The following OSBPL1A variants were observed in gnomAD, a reference collection of about 807,000 sequenced individuals.
The protein encoded by OSBPL1A is oxysterol binding protein like 1A.
In OSBPL1A, 80 loss-of-function variants were observed where a neutral mutation model predicts 137.1. The ratio of observed to expected loss-of-function variants is 0.58; its 90% CI spans 0.49 to 0.70. OSBPL1A has a LOEUF of 0.70. Among genes scored for constraint, OSBPL1A ranks in the 30% least tolerant of loss-of-function variants. The probability of loss-of-function intolerance (pLI) is 0.00; values close to 1 mark genes in which losing one functional copy is unlikely to be tolerated. For missense variants in OSBPL1A, 970 were observed against 1,129.4 expected (o/e 0.86, Z 2.02); for synonymous variants, 365 against 389.7 (o/e 0.94, Z 0.75).
chr18:24,271,639 AC>A lies in OSBPL1A; in HGVS notation c.1281+9202del, dbSNP rs1446244299. On this transcript the variant is annotated intron_variant, in intron 15 of 27. Coordinates refer to ENST00000319481, the MANE Select transcript of OSBPL1A (RefSeq NM_080597.4). The surrounding 1 kb of genome is among the most constrained non-coding windows in gnomAD (Gnocchi z 4.0). ...CCACCTACCTGGGCCAGATCCGAGG[AC>A]CCCGGCTGGCGCGCTCCACCCTGCG... 18 of 985,044 alleles carry A rather than the reference AC, an allele frequency of 1.8e-5. No homozygotes were observed. Among genetic ancestry groups the A allele is most frequent in the Non-Finnish European group, 2.2e-5 (18 of 830,046 alleles). The allele number at this position is 985,044 out of a possible 1,614,324, so 61.0% of individuals were successfully genotyped here. A position where few individuals can be genotyped will look rare whatever the true frequency, so the allele number is the denominator to read the frequency against.
intron 4 of OSBPL1A, among the ~76,000 whole-genome samples, chr18:24,363,099 T>G (rs1290325302): frequency 6.6e-6 from 1 of 152,246 alleles, no homozygotes; most frequent in Non-Finnish European, 1.5e-5. Flanking sequence ...AACACCTACA[T>G]GCTTGCTAGC....
chr18:24,198,932 A>C (rs1385245956), intron 17 of OSBPL1A, among the ~76,000 whole-genome samples: 1 of 150,170 alleles, frequency 6.7e-6, no homozygotes, highest in Non-Finnish European at 1.5e-5. Context: ...ATCTCGACTC[A>C]CTGCAACCTC....
chr18:24,279,021 G>A (rs2089901246), intron 15 of OSBPL1A, among the ~76,000 whole-genome samples: 2 of 151,942 alleles, frequency 1.3e-5, no homozygotes, highest in Admixed American at 1.3e-4. Flanking sequence ...AAAGACTTTT[G>A]GTAAGTTTGT....
At chr18:24,368,403 G>C in intron 2 of OSBPL1A, 31 bp from the exon 3 acceptor site, 1 of 1,521,876 alleles carries the variant, frequency 6.6e-7, no homozygotes, top group Non-Finnish European at 9.1e-7. Flanking sequence ...GGTATTTTTA[G>C]GTCATATTTA....
intron 1 of OSBPL1A, among the ~76,000 whole-genome samples, chr18:24,383,760 GAATA>G (rs1205498677): frequency 7.9e-5 from 12 of 152,206 alleles, no homozygotes; most frequent in African/African-American, 1.7e-4. Context: ...CTCAAAAAAT[GAATA>G]AATAAAGAAA....
chr18:24,354,748 C>CAAAAAAAAAAAAAAAA (rs59694707), intron 4 of OSBPL1A, among the ~76,000 whole-genome samples: 120 of 77,064 alleles, frequency 1.6e-3, no homozygotes, highest in Non-Finnish European at 2.2e-3. Context: ...CTCAATATAG[C>CAAAAAAAAAAAAAAAA]AAAAAAAAAA....
chr18:24,231,674 T>C (rs1157908756), intron 16 of OSBPL1A, among the ~76,000 whole-genome samples: 2 of 152,244 alleles, frequency 1.3e-5, no homozygotes, highest in Non-Finnish European at 2.9e-5. Context: ...CTCATCAAAA[T>C]AGCATGGAAG....
chr18:24,253,708 G>C (rs185221074), intron 15 of OSBPL1A, among the ~76,000 whole-genome samples: 131 of 152,274 alleles, frequency 8.6e-4, no homozygotes, highest in Middle Eastern at 3.4e-3. Flanking sequence ...GTCTTTTCCT[G>C]GGTGGGATGG....
At chr18:24,179,678 G>T in intron 20 of OSBPL1A, 60 bp downstream of exon 20, 2 of 1,351,452 alleles carry the variant, frequency 1.5e-6, no homozygotes, top group Non-Finnish European at 2.1e-6. Flanking sequence ...TGACCAATAT[G>T]TATGTATTTC....
rs1196083498 is a variant in OSBPL1A at position 24,225,037 on chromosome 18, C to T, written c.1601+5G>A. The stretch of plus-strand genomic sequence containing the variant: ...AGCAGTGACAACTGTCAGAGGCGAT[C>T]CTACCTGTGTTTCTTGATGCCATTG... On this transcript the variant is annotated splice_donor_5th_base_variant and intron_variant, in intron 17 of 27. Transcript: ENST00000319481. The T allele has an allele frequency of 8.7e-6, 14 of 1,613,974 alleles. No individual in the cohort carries two copies. The highest frequency in any genetic ancestry group is 1.3e-5 in the African/African-American group (1 of 74,936).
intron 21 of OSBPL1A, among the ~76,000 whole-genome samples, chr18:24,176,950 T>C (rs2086465639): frequency 6.6e-6 from 1 of 152,224 alleles, no homozygotes; most frequent in African/African-American, 2.4e-5. Context: ...GGGCGCTTTC[T>C]CTCCCCTCCG....
At chr18:24,290,124 T>G (rs1391915448) in intron 14 of OSBPL1A, among the ~76,000 whole-genome samples, 3 of 151,962 alleles carry the variant, frequency 2.0e-5, no homozygotes, top group Non-Finnish European at 4.4e-5. Context: ...TTGACATGTT[T>G]TATATTAGAA....
chr18:24,248,493 C>T lies in OSBPL1A; in HGVS notation c.1282-9111G>A, dbSNP rs115871864. The stretch of plus-strand genomic sequence containing the variant: ...TGGTTCAAGCAAAGAAAAGGAAATG[C>T]CACTCAGAATGACCTCTGCATATCT... On this transcript the variant is annotated intron_variant, in intron 15 of 27. Transcript: ENST00000319481. 9.0e-3 allele frequency among the ~76,000 whole-genome samples: 1,369 copies of T among 152,282 alleles called. 23 individuals carry two copies. The highest frequency in any genetic ancestry group is 0.032 in the African/African-American group (1,317 of 41,550).
intron 15 of OSBPL1A, among the ~76,000 whole-genome samples, chr18:24,249,521 C>A (rs1012281571): frequency 5.3e-5 from 8 of 152,216 alleles, no homozygotes; most frequent in Non-Finnish European, 1.5e-5. Flanking sequence ...GAGGGTCCAA[C>A]AGACAGTCTT....
chr18:24,285,811 C>G (rs1338037572), intron 14 of OSBPL1A, among the ~76,000 whole-genome samples: 1 of 152,112 alleles, frequency 6.6e-6, no homozygotes, highest in Non-Finnish European at 1.5e-5. Flanking sequence ...TACATAATGA[C>G]TATATACATG....
chr18:24,250,161 T>A (rs1485171675), intron 15 of OSBPL1A, among the ~76,000 whole-genome samples: 1 of 53,228 alleles, frequency 1.9e-5, no homozygotes, highest in African/African-American at 5.6e-5. Flanking sequence ...TGTTTTTGTT[T>A]GTTTGTTTGT....
chr18:24,370,850 G>A (rs896098519), intron 2 of OSBPL1A, among the ~76,000 whole-genome samples: 3 of 152,086 alleles, frequency 2.0e-5, no homozygotes, highest in African/African-American at 7.2e-5. Context: ...GGATTCTTTT[G>A]TAGGGATGGG....
intron 17 of OSBPL1A, among the ~76,000 whole-genome samples, chr18:24,204,144 T>C (rs1287514585): frequency 6.6e-6 from 1 of 152,196 alleles, no homozygotes; most frequent in African/African-American, 2.4e-5. Context: ...TTTAACAATT[T>C]CGTATCTCAC....
At chr18:24,190,792 G>A (rs2086871164) in intron 18 of OSBPL1A, among the ~76,000 whole-genome samples, 1 of 152,214 alleles carries the variant, frequency 6.6e-6, no homozygotes, top group Admixed American at 6.5e-5. Context: ...TGTTGTCATG[G>A]TGGCATATAG....
Sources: gnomAD v4.1 joint callset for allele counts (sites outside exome capture counted in the v4.1 genomes callset) on GRCh38, gnomAD v4.1.1 for gene constraint, Gnocchi (gnomAD v3.1) non-coding constraint, MANE v1.5 for transcripts, NCBI Gene and HGNC (gene_info 2026-07-23, HGNC 2026-07-21) for gene names.